NTM: variants seen among roughly 807,000 people sequenced by gnomAD.
NTM encodes IgLON family member 2.
NTM carries 13 observed loss-of-function variants against 42.1 expected under a neutral mutation model. That is an observed-to-expected ratio of 0.31 (90% CI 0.20 to 0.49). NTM has a LOEUF of 0.49. Ranked by LOEUF, NTM falls within the 20% of genes least tolerant of loss-of-function variation. NTM has a pLI of 0.99. For synonymous variants in NTM, 187 were observed against 179.2 expected, an observed-to-expected ratio of 1.04 and a Z score of -0.35; for missense variants, 373 against 452.8, an observed-to-expected ratio of 0.82 and a Z score of 1.60.
intron 1 of NTM, among the ~76,000 whole-genome samples, chr11:131,714,559 G>T (rs111898287): frequency 4.6e-5 from 7 of 152,262 alleles, no homozygotes; most frequent in African/African-American, 1.4e-4. Flanking sequence ...TCATTTTAGA[G>T]AAACAGTGTA....
chr11:131,704,761 T>C (rs1325037222), intron 1 of NTM, among the ~76,000 whole-genome samples: 3 of 151,982 alleles, frequency 2.0e-5, no homozygotes, highest in Non-Finnish European at 4.4e-5. Flanking sequence ...AACAAAATAA[T>C]AAGTTCAACA....
intron 1 of NTM, among the ~76,000 whole-genome samples, chr11:131,675,801 G>A (rs1343688265): frequency 6.6e-6 from 1 of 152,188 alleles, no homozygotes; most frequent in Non-Finnish European, 1.5e-5. Flanking sequence ...AGATGAAGGT[G>A]ACTCAAGACT....
At chr11:132,289,403 C>T (rs150847292) in intron 4 of NTM, among the ~76,000 whole-genome samples, 2 of 152,316 alleles carry the variant, frequency 1.3e-5, no homozygotes, top group East Asian at 3.9e-4. Context: ...GAGTTCCACA[C>T]AAGTTCAGAG....
intron 2 of NTM, among the ~76,000 whole-genome samples, chr11:132,032,534 A>G (rs896584654): frequency 2.6e-5 from 4 of 152,252 alleles, no homozygotes; most frequent in Non-Finnish European, 5.9e-5. Flanking sequence ...AAAATGAAAC[A>G]TCCTCTGGTG....
intron 4 of NTM, among the ~76,000 whole-genome samples, chr11:132,289,565 C>A (rs10894530): frequency 0.19 from 29,572 of 152,186 alleles, 3,964 homozygotes; most frequent in East Asian, 0.62. Context: ...CATCCCCTCA[C>A]CCCCTGCCAT....
chr11:131,715,401 G>A (rs1005968565), intron 1 of NTM, among the ~76,000 whole-genome samples: 1 of 152,146 alleles, frequency 6.6e-6, no homozygotes, highest in Non-Finnish European at 1.5e-5. Flanking sequence ...GAAGAATTTT[G>A]TTTAGCATTT....
chr11:132,334,001 A>T (rs1235038724), intron 8 of NTM, among the ~76,000 whole-genome samples: 1 of 152,226 alleles, frequency 6.6e-6, no homozygotes, highest in East Asian at 1.9e-4. Flanking sequence ...ATCCAGGAAG[A>T]CATGGACTTA....
At chr11:132,037,708 C>T (rs576570359) in intron 2 of NTM, among the ~76,000 whole-genome samples, 1 of 152,344 alleles carries the variant, frequency 6.6e-6, no homozygotes, top group Non-Finnish European at 1.5e-5. Context: ...GAGTCATTAA[C>T]ACGCTCTCCT....
intron 3 of NTM, among the ~76,000 whole-genome samples, chr11:132,147,393 T>G (rs1222014845): frequency 1.3e-5 from 2 of 152,116 alleles, no homozygotes; most frequent in African/African-American, 2.4e-5. Context: ...TTGGCCACTT[T>G]CTGGCTGTGA....
In NTM at chr11:132,211,904, G is replaced by C; in HGVS notation, c.401-118G>C. The C allele has an allele frequency of 6.9e-6, 6 of 864,384 alleles. No individual in the cohort carries two copies. In the Admixed American group the frequency reaches 1.9e-4, roughly 27 times the overall value. 53.5% of individuals were successfully genotyped at this position (864,384 alleles called of 1,614,324 possible). A position where few individuals can be genotyped will look rare whatever the true frequency, so the allele number is the denominator to read the frequency against. On this transcript the variant is annotated intron_variant, in intron 3 of 8. Coordinates refer to ENST00000683400, the MANE Select transcript of NTM (RefSeq NM_001352005.2). ...AAGGTAATTCCTCTAATTTCTTATC[G>C]TTAACTTACTGTAGTCCATATATTT...
chr11:132,233,429 T>C (rs1268158981), intron 4 of NTM, among the ~76,000 whole-genome samples: 3 of 152,194 alleles, frequency 2.0e-5, no homozygotes, highest in Admixed American at 6.5e-5. Context: ...TGTTGACTCT[T>C]ATTGTCTCAT....
At chr11:132,066,795 A>G (rs74420968) in intron 2 of NTM, among the ~76,000 whole-genome samples, 2,740 of 152,202 alleles carry the variant, frequency 0.018, 83 homozygotes, top group African/African-American at 0.06. Flanking sequence ...CATTGCATTT[A>G]GGACCCACTC....
intron 4 of NTM, among the ~76,000 whole-genome samples, chr11:132,252,102 C>T (rs1010234595): frequency 6.6e-6 from 1 of 152,116 alleles, no homozygotes; most frequent in Admixed American, 6.5e-5. Context: ...TCCCTCCTAC[C>T]TCTCCTTTTC....
chr11:132,188,563 C>T (rs1592109785), intron 3 of NTM, among the ~76,000 whole-genome samples: 1 of 152,086 alleles, frequency 6.6e-6, no homozygotes, highest in Non-Finnish European at 1.5e-5. Context: ...TGGGGGTTAG[C>T]TTATTATCTT....
At chr11:131,743,827 G>T (rs888883085) in intron 1 of NTM, among the ~76,000 whole-genome samples, 1 of 152,096 alleles carries the variant, frequency 6.6e-6, no homozygotes, top group Non-Finnish European at 1.5e-5. Flanking sequence ...CCAGTACTTG[G>T]GAGAAGAGCT....
intron 3 of NTM, among the ~76,000 whole-genome samples, chr11:132,204,858 C>T (rs1426451944): frequency 6.6e-6 from 1 of 152,176 alleles, no homozygotes; most frequent in African/African-American, 2.4e-5. Context: ...TGTGCCTAGG[C>T]TTCGCTTGGG....
chr11:131,909,013 T>C (rs2054282018), intron 1 of NTM, among the ~76,000 whole-genome samples: 1 of 152,244 alleles, frequency 6.6e-6, no homozygotes, highest in South Asian at 2.1e-4. Context: ...AAGTAGCAGA[T>C]GAGTTTCCCT....
chr11:131,449,588 G>A (rs1015309943), intron 1 of NTM, among the ~76,000 whole-genome samples: 3 of 152,160 alleles, frequency 2.0e-5, no homozygotes, highest in Non-Finnish European at 2.9e-5. Context: ...TTCCAGCACC[G>A]GCCAGATCTG....
rs138566552 is a variant in NTM, at chr11:132,073,731, C to T, written c.168-72551C>T. On this transcript the variant is annotated intron_variant, in intron 2 of 8. Transcript: ENST00000683400. ...TTCCTGTGTGGCCCAAGGTTGCATT[C>T]GGAGGTCAGAGTAAATCCTGTCGCT... Among the ~76,000 whole-genome samples the T allele has an allele frequency of 9.7e-4, 148 of 152,238 alleles. 1 individual carries two copies. Among genetic ancestry groups the T allele is most frequent in the African/African-American group, 3.4e-3 (140 of 41,540 alleles).
Sources: allele counts gnomAD v4.1 joint callset (sites outside exome capture counted in the v4.1 genomes callset), GRCh38; gene constraint gnomAD v4.1.1; transcripts MANE v1.5; gene names NCBI Gene and HGNC (gene_info 2026-07-23, HGNC 2026-07-21).